The following VPS35L variants were observed in gnomAD, a reference collection of about 807,000 sequenced individuals.
VPS35L encodes VPS35 endosomal protein-sorting factor-like.
In VPS35L, 83 loss-of-function variants were observed where a neutral mutation model predicts 133.0. The ratio of observed to expected loss-of-function variants is 0.62; its 90% CI spans 0.52 to 0.75. The LOEUF (loss-of-function observed/expected upper bound fraction) is 0.75, where lower values mean the gene tolerates loss of function less well. VPS35L is among the 30% of genes least tolerant of loss of function. The probability of loss-of-function intolerance (pLI) is 0.00; values close to 1 mark genes in which losing one functional copy is unlikely to be tolerated. For synonymous variants in VPS35L, 423 were observed against 449.9 expected (o/e 0.94, Z 0.76); for missense variants, 1,083 against 1,206.8 (o/e 0.90, Z 1.52).
intron 28 of VPS35L, among the ~76,000 whole-genome samples, chr16:19,683,238 G>C (rs977248372): frequency 2.0e-5 from 3 of 152,014 alleles, no homozygotes; most frequent in African/African-American, 7.3e-5. Flanking sequence ...TTCTTAATTT[G>C]CATCTTTAAC....
chr16:19,686,505 T>G (rs1181390931), intron 28 of VPS35L, among the ~76,000 whole-genome samples: 4 of 152,102 alleles, frequency 2.6e-5, no homozygotes, highest in Non-Finnish European at 5.9e-5. Context: ...CTCAGGATGC[T>G]TCTGTGAAGC....
In VPS35L at chr16:19,588,156, T is replaced by C. The variant is rs142443143; in HGVS notation, c.640-3634T>C. Among the ~76,000 whole-genome samples, 254 of 137,694 alleles carry C rather than the reference T, an allele frequency of 1.8e-3. 1 individual carries two copies. The highest frequency in any genetic ancestry group is 3.2e-3 in the Non-Finnish European group (207 of 65,422). 90.3% of individuals were successfully genotyped at this position (137,694 alleles called of 152,430 possible). A position where few individuals can be genotyped will look rare whatever the true frequency, so the allele number is the denominator to read the frequency against. On this transcript the variant is annotated intron_variant, in intron 7 of 30. Transcript: ENST00000417362. ...ATAGCAAGTTTGAAACTGGGTAATA[T>C]AAGTATGTATGTATGTATGTATGTA...
At chr16:19,658,869 T>C (rs1181151861) in intron 26 of VPS35L, among the ~76,000 whole-genome samples, 1 of 152,140 alleles carries the variant, frequency 6.6e-6, no homozygotes, top group African/African-American at 2.4e-5. Context: ...TTGAGAGGTC[T>C]GAACTCCTGG....
At chr16:19,654,635 G>A (rs1488099814) in intron 26 of VPS35L, among the ~76,000 whole-genome samples, 2 of 152,058 alleles carry the variant, frequency 1.3e-5, no homozygotes, top group Non-Finnish European at 2.9e-5. Context: ...TGATGCACAG[G>A]ATGAAAATTA....
At chr16:19,696,200 G>T (rs1975905022) in intron 29 of VPS35L, among the ~76,000 whole-genome samples, 1 of 152,096 alleles carries the variant, frequency 6.6e-6, no homozygotes, top group Non-Finnish European at 1.5e-5. Context: ...TGTTTTAATG[G>T]TGCAATTTGA....
Position 19,563,842 on chromosome 16 carries a change from C to T in VPS35L, c.18-1009C>T, listed in dbSNP as rs569356597. On this transcript the variant is annotated intron_variant, in intron 1 of 30. Coordinates refer to ENST00000417362, the MANE Select transcript of VPS35L (RefSeq NM_020314.7). Reference sequence around the variant, plus strand: ...TCTTCCTCCTGGCTGTCTTGATAGCCCTGAACTCCTGTTTATCTGTGCAGC... The same window carrying T: ...TCTTCCTCCTGGCTGTCTTGATAGCTCTGAACTCCTGTTTATCTGTGCAGC... 3.9e-4 allele frequency among the ~76,000 whole-genome samples: 60 copies of T among 152,128 alleles called. 2 individuals are homozygous for T. The highest frequency in any genetic ancestry group is 3.9e-4 in the Admixed American group (6 of 15,248).
rs1973656756 is a variant in VPS35L at position 19,637,487 on chromosome 16, T to G, written c.1636-107T>G. 9.8e-6 allele frequency: 7 copies of G among 717,102 alleles called. No homozygotes were observed. The South Asian group carries it at 1.3e-4, about 13-fold the overall frequency. The allele number at this position is 717,102 out of a possible 1,614,324, so 44.4% of individuals were successfully genotyped here. A position where few individuals can be genotyped will look rare whatever the true frequency, so the allele number is the denominator to read the frequency against. Reference sequence around the variant, plus strand: ...ATAATTGCAAATTATGAAAGGTGATTGCCTTTTTAAAAAAAAATTTAGGTT... The same window carrying G: ...ATAATTGCAAATTATGAAAGGTGATGGCCTTTTTAAAAAAAAATTTAGGTT... On this transcript the variant is annotated intron_variant, in intron 19 of 30. Transcript: ENST00000417362.
chr16:19,573,769 C>T (rs561626439), intron 4 of VPS35L, among the ~76,000 whole-genome samples: 172 of 152,054 alleles, frequency 1.1e-3, no homozygotes, highest in Non-Finnish European at 2.0e-3. Context: ...GCAGAGATCA[C>T]GCCACTGCAC....
intron 7 of VPS35L, chr16:19,587,421 G>A: frequency 4.6e-6 from 2 of 433,386 alleles, no homozygotes; most frequent in Non-Finnish European, 9.2e-6. Flanking sequence ...GCTGAGGTCG[G>A]GAGTTTAAGA....
intron 26 of VPS35L, among the ~76,000 whole-genome samples, chr16:19,660,240 A>C (rs1974438431): frequency 6.6e-6 from 1 of 151,924 alleles, no homozygotes; most frequent in African/African-American, 2.4e-5. Context: ...AGGCACGAGA[A>C]TTGTTTGAAC....
chr16:19,675,902 T>G (rs2151611612), intron 27 of VPS35L, among the ~76,000 whole-genome samples: 1 of 152,260 alleles, frequency 6.6e-6, no homozygotes, highest in South Asian at 2.1e-4. Context: ...ACCCACAGTA[T>G]GAAAGATTTT....
intron 26 of VPS35L, among the ~76,000 whole-genome samples, chr16:19,666,235 A>G (rs897978066): frequency 1.3e-5 from 2 of 151,894 alleles, no homozygotes; most frequent in African/African-American, 2.4e-5. Flanking sequence ...GTGGGGTATT[A>G]CTCAAAGAGG....
chr16:19,638,666 G>A (rs1973694174), intron 20 of VPS35L, among the ~76,000 whole-genome samples: 1 of 152,220 alleles, frequency 6.6e-6, no homozygotes, highest in African/African-American at 2.4e-5. Context: ...CAGTGAATCT[G>A]ATGACAAAGA....
rs1973314819 is a variant in VPS35L, at chr16:19,627,771, T to C, written c.1349T>C (p.Met450Thr). ...ACAAGGTCTATGGATTTCATTGGCATGATTAAAGAGTGTGATGAATCTGGT... is the reference window on the plus strand; with the variant it reads ...ACAAGGTCTATGGATTTCATTGGCACGATTAAAGAGTGTGATGAATCTGGT... ...IATRSMDFIG[M>T]IKECDESGFP... The change falls in exon 16 of 31, where the codon ATG (methionine) becomes ACG (threonine). Residue 450 changes from methionine to threonine, a missense_variant. By Grantham distance (81) the Met-to-Thr change is moderately conservative. Coordinates refer to ENST00000417362, the MANE Select transcript of VPS35L (RefSeq NM_020314.7). 2 of 1,613,716 alleles carry C rather than the reference T, an allele frequency of 1.2e-6. No homozygotes were observed. Among genetic ancestry groups the C allele is most frequent in the Non-Finnish European group, 1.7e-6 (2 of 1,179,712 alleles).
chr16:19,675,309 CAT>C (rs1975028122), intron 27 of VPS35L, among the ~76,000 whole-genome samples: 1 of 147,624 alleles, frequency 6.8e-6, no homozygotes, highest in African/African-American at 2.5e-5. Flanking sequence ...GTAGTACAAT[CAT>C]AGCTCACTGC....
intron 3 of VPS35L, among the ~76,000 whole-genome samples, chr16:19,570,244 G>A (rs1269552312): frequency 1.3e-5 from 2 of 151,844 alleles, no homozygotes; most frequent in South Asian, 4.2e-4. Context: ...GTGTTTTTTG[G>A]TAGAGATGGG....
chr16:19,587,255 A>T, intron 7 of VPS35L: 1 of 419,904 alleles, frequency 2.4e-6, no homozygotes, highest in South Asian at 1.7e-5. Context: ...ACAATTCGAC[A>T]TGAGATTTGG....
At chr16:19,581,729 G>C (rs750293444) in intron 7 of VPS35L, 76 bp downstream of exon 7, 2 of 1,536,166 alleles carry the variant, frequency 1.3e-6, no homozygotes, top group East Asian at 4.6e-5. Context: ...GAGTTTTCAG[G>C]GGCCTACCTG....
At chr16:19,697,319 C>T (rs922241423) in intron 29 of VPS35L, among the ~76,000 whole-genome samples, 1 of 152,108 alleles carries the variant, frequency 6.6e-6, no homozygotes. Flanking sequence ...GCCACCTTGC[C>T]CAACTGCATT....
Sources: allele counts gnomAD v4.1 joint callset (sites outside exome capture counted in the v4.1 genomes callset), GRCh38; gene constraint gnomAD v4.1.1; transcripts MANE v1.5; gene names NCBI Gene and HGNC (gene_info 2026-07-23, HGNC 2026-07-21).